Variants in REDIC1 observed in about 807,000 individuals in gnomAD.
REDIC1 encodes the protein regulator of DNA class I crossover intermediates 1, also known as HEI10 Interacting Protein 1.
chr12:39,774,131 C>T, the REDIC1 span, among the ~76,000 whole-genome samples: 2 of 152,110 alleles, frequency 1.3e-5, no homozygotes, highest in Non-Finnish European at 2.9e-5. Context: ...GATATAATTA[C>T]ACCATTACAA....
At chr12:39,760,313 A>T in the REDIC1 span, 2 of 1,473,376 alleles carry the variant, frequency 1.4e-6, no homozygotes, top group Non-Finnish European at 1.8e-6. Flanking sequence ...TAAGTTGGAA[A>T]GATTACTTGA....
the REDIC1 span, among the ~76,000 whole-genome samples, chr12:39,877,395 AC>A: frequency 1.3e-5 from 2 of 151,748 alleles, no homozygotes; most frequent in Non-Finnish European, 2.9e-5. Flanking sequence ...CAGAATTGGA[AC>A]CCCCCCTCCA....
chr12:39,669,058 A>C, the REDIC1 span, among the ~76,000 whole-genome samples: 1 of 152,076 alleles, frequency 6.6e-6, no homozygotes, highest in Non-Finnish European at 1.5e-5. Context: ...CAACTCATCA[A>C]AGTCATTCTC....
the REDIC1 span, among the ~76,000 whole-genome samples, chr12:39,662,583 C>A: frequency 6.6e-6 from 1 of 151,850 alleles, no homozygotes; most frequent in African/African-American, 2.4e-5. Flanking sequence ...CAAAGAGGGA[C>A]AATTTGACTT....
the REDIC1 span, among the ~76,000 whole-genome samples, chr12:39,626,628 T>C: frequency 1.4e-4 from 22 of 152,238 alleles, no homozygotes; most frequent in South Asian, 4.6e-3. Context: ...CTCCTCCCCT[T>C]CTCCATGTCC....
At chr12:39,863,635 G>C in the REDIC1 span, among the ~76,000 whole-genome samples, 4 of 152,128 alleles carry the variant, frequency 2.6e-5, no homozygotes, top group Non-Finnish European at 5.9e-5. Flanking sequence ...AAGATGCTAT[G>C]GTTAACTTCT....
At chr12:39,843,012 C>T in the REDIC1 span, among the ~76,000 whole-genome samples, 933 of 151,944 alleles carry the variant, frequency 6.1e-3, 10 homozygotes, top group African/African-American at 0.021. Context: ...TATTTGTCAG[C>T]TGATGGGGTA....
chr12:39,734,619 C>T, the REDIC1 span, among the ~76,000 whole-genome samples: 66 of 152,234 alleles, frequency 4.3e-4, 2 homozygotes, highest in East Asian at 0.012. Flanking sequence ...TATCCAGTTG[C>T]TCCAGCACTA....
chr12:39,710,406 T>G, the REDIC1 span, among the ~76,000 whole-genome samples: 1 of 151,816 alleles, frequency 6.6e-6, no homozygotes, highest in Non-Finnish European at 1.5e-5. Flanking sequence ...TATCCCAATT[T>G]CACAGCTTTA....
At chr12:39,860,408 T>C in the REDIC1 span, among the ~76,000 whole-genome samples, 1 of 152,342 alleles carries the variant, frequency 6.6e-6, no homozygotes, top group African/African-American at 2.4e-5. Flanking sequence ...GCTAGAGTCT[T>C]GATAAAGATC....
chr12:39,643,742 T>C, the REDIC1 span: 1 of 1,379,298 alleles, frequency 7.3e-7, no homozygotes, highest in Non-Finnish European at 1.0e-6. Context: ...TAAAACCGCA[T>C]ATTTGCTGCA....
At chr12:39,659,781 C>CT in the REDIC1 span, among the ~76,000 whole-genome samples, 1 of 152,000 alleles carries the variant, frequency 6.6e-6, no homozygotes, top group Admixed American at 6.6e-5. Context: ...TAGATCTTCT[C>CT]TTTTTTGCAT....
At chr12:39,639,668 T>G in the REDIC1 span, among the ~76,000 whole-genome samples, 8 of 152,082 alleles carry the variant, frequency 5.3e-5, no homozygotes, top group South Asian at 4.2e-4. Context: ...AGTTTCCTCA[T>G]CAGTAAAGTG....
chr12:39,673,165 T>C, the REDIC1 span, among the ~76,000 whole-genome samples: 1 of 152,152 alleles, frequency 6.6e-6, no homozygotes, highest in Non-Finnish European at 1.5e-5. Context: ...CCCCAGGTGT[T>C]TCCTGTCACT....
chr12:39,641,138 C>G, the REDIC1 span: 261 of 608,570 alleles, frequency 4.3e-4, 2 homozygotes, highest in East Asian at 7.3e-3. Context: ...GCTTGATTAG[C>G]CACGTATTTT....
At chr12:39,750,014 G>A in the REDIC1 span, among the ~76,000 whole-genome samples, 2 of 152,156 alleles carry the variant, frequency 1.3e-5, no homozygotes, top group African/African-American at 4.8e-5. Flanking sequence ...GCACAAGACA[G>A]GGATGCCCTC....
chr12:39,763,199 AAT>A, the REDIC1 span, among the ~76,000 whole-genome samples: 1 of 152,036 alleles, frequency 6.6e-6, no homozygotes, highest in African/African-American at 2.4e-5. Flanking sequence ...GAATATACTA[AAT>A]ATATATCCAG....
the REDIC1 span, among the ~76,000 whole-genome samples, chr12:39,836,127 A>G: frequency 6.6e-6 from 1 of 152,118 alleles, no homozygotes; most frequent in South Asian, 2.1e-4. Flanking sequence ...TCATAGTAAA[A>G]GGACATTACA....
chr12:39,635,440 A>G, the REDIC1 span, among the ~76,000 whole-genome samples: 2 of 152,210 alleles, frequency 1.3e-5, no homozygotes, highest in East Asian at 1.9e-4. Flanking sequence ...TGGCACATAT[A>G]CACCATGGAA....
Sources: gnomAD v4.1 joint callset for allele counts (sites outside exome capture counted in the v4.1 genomes callset) on GRCh38, gnomAD v4.1.1 for gene constraint, MANE v1.5 for transcripts, NCBI Gene and HGNC (gene_info 2026-07-23, HGNC 2026-07-21) for gene names.